Variants in LCA5 observed in about 807,000 individuals in gnomAD.
The protein encoded by LCA5 is lebercilin.
In LCA5, 37 loss-of-function variants were observed where a neutral mutation model predicts 53.0. The ratio of observed to expected loss-of-function variants is 0.70; its 90% CI spans 0.54 to 0.92. The LOEUF (loss-of-function observed/expected upper bound fraction) is 0.92. Ranked by LOEUF, LCA5 falls within the 40% of genes least tolerant of loss-of-function variation. The pLI is 0.00. For missense variants in LCA5, 806 were observed against 790.5 expected, an observed-to-expected ratio of 1.02 and a Z score of -0.23; for synonymous variants, 303 against 282.9, an observed-to-expected ratio of 1.07 and a Z score of -0.71.
rs546754454 is a variant in LCA5, at chr6:79,489,225, C to T, written c.1099-9G>A. 3.8e-5 allele frequency: 61 copies of T among 1,609,524 alleles called. No homozygotes were observed. The Admixed American group carries it at 6.0e-4, about 16-fold the overall frequency. On this transcript the variant is annotated splice_polypyrimidine_tract_variant and intron_variant, in intron 6 of 7. Coordinates refer to ENST00000369846, the MANE Select transcript of LCA5 (RefSeq NM_001122769.3). ...TTTTGAGATTGCAAGTCCTATTATA[C>T]GTTAAAAAAAATGCAAGTTCACAAA... is the stretch of plus-strand genomic sequence containing the variant.
intron 2 of LCA5, among the ~76,000 whole-genome samples, chr6:79,517,895 C>T (rs1766487902): frequency 6.6e-6 from 1 of 152,096 alleles, no homozygotes; most frequent in Non-Finnish European, 1.5e-5. Flanking sequence ...CCCTTTTCCA[C>T]CCACAATTTT....
In LCA5 at chr6:79,487,562, A is replaced by G. The variant is rs778588254; in HGVS notation, c.1536T>C (p.Ser512=). 2 of 1,614,058 alleles carry G rather than the reference A, an allele frequency of 1.2e-6. No homozygotes were observed. The highest frequency in any genetic ancestry group is 1.3e-5 in the African/African-American group (1 of 75,040). Residue 512 remains serine, a synonymous_variant, in exon 8 of 8, where the codon TCT becomes TCC. Transcript: ENST00000369846. ...PERSPKTYRF[S]ESSERLFNGH... ...CATTAAATAATCTCTCTGAGGATTC[A>G]GAGAACCTGTATGTTTTGGGGCTTC...
chr6:79,500,870 T>A (rs1443867581), intron 3 of LCA5, among the ~76,000 whole-genome samples: 2 of 152,168 alleles, frequency 1.3e-5, no homozygotes, highest in Admixed American at 6.5e-5. Flanking sequence ...CTTCCACTGT[T>A]TCTTTTATGT....
intron 3 of LCA5, among the ~76,000 whole-genome samples, chr6:79,506,986 T>C (rs529554835): frequency 6.6e-5 from 10 of 152,292 alleles, no homozygotes; most frequent in South Asian, 6.2e-4. Flanking sequence ...TCTTCCTCCA[T>C]TGCAACTAAC....
intron 3 of LCA5, among the ~76,000 whole-genome samples, chr6:79,502,488 T>C (rs1278673369): frequency 6.6e-6 from 1 of 152,148 alleles, no homozygotes; most frequent in African/African-American, 2.4e-5. Context: ...TCTTCCAACA[T>C]AGATTTTACT....
At chr6:79,488,029 A>G (rs1769722336) in intron 7 of LCA5, 163 bp from the exon 8 acceptor site, 1 of 628,356 alleles carries the variant, frequency 1.6e-6, no homozygotes, top group African/African-American at 1.8e-5. Flanking sequence ...TTCTGGGATT[A>G]GAGAATAATA....
intron 3 of LCA5, among the ~76,000 whole-genome samples, chr6:79,495,034 G>C (rs976445048): frequency 2.6e-4 from 39 of 152,358 alleles, no homozygotes; most frequent in African/African-American, 8.9e-4. Flanking sequence ...GACCTGGTAG[G>C]AACCGGGCTT....
At chr6:79,533,973 G>A (rs575117618) in intron 1 of LCA5, among the ~76,000 whole-genome samples, 2 of 150,994 alleles carry the variant, frequency 1.3e-5, no homozygotes, top group South Asian at 4.2e-4. Flanking sequence ...ATATAAATAA[G>A]GACATTTCTC....
intron 1 of LCA5, among the ~76,000 whole-genome samples, chr6:79,534,305 A>C (rs1199738841): frequency 1.3e-5 from 2 of 151,932 alleles, no homozygotes; most frequent in Non-Finnish European, 2.9e-5. Context: ...TGTAAGACAT[A>C]ATCAGCTTAT....
At chr6:79,528,819 T>C (rs1298794523) in intron 1 of LCA5, among the ~76,000 whole-genome samples, 1 of 152,184 alleles carries the variant, frequency 6.6e-6, no homozygotes, top group African/African-American at 2.4e-5. Context: ...AAAACAGGCT[T>C]GCACTAGACA....
intron 1 of LCA5, among the ~76,000 whole-genome samples, chr6:79,531,571 C>G (rs1766960140): frequency 6.6e-6 from 1 of 152,154 alleles, no homozygotes; most frequent in African/African-American, 2.4e-5. Context: ...TCCACTGAAA[C>G]AGCTTTTGTC....
chr6:79,496,296 A>G (rs1350011892), intron 3 of LCA5, among the ~76,000 whole-genome samples: 2 of 152,234 alleles, frequency 1.3e-5, no homozygotes, highest in African/African-American at 4.8e-5. Flanking sequence ...CATCTACTAT[A>G]TAACACATTC....
intron 3 of LCA5, among the ~76,000 whole-genome samples, chr6:79,495,785 C>T (rs1377771757): frequency 6.6e-6 from 1 of 151,110 alleles, no homozygotes; most frequent in Non-Finnish European, 1.5e-5. Flanking sequence ...TCCTCCGCAT[C>T]CAAAGGTTTC....
At chr6:79,524,018 G>A (rs1301174654) in intron 1 of LCA5, among the ~76,000 whole-genome samples, 2 of 151,998 alleles carry the variant, frequency 1.3e-5, no homozygotes, top group Non-Finnish European at 2.9e-5. Context: ...GGTTATGCAT[G>A]GTTTTTCTCT....
intron 1 of LCA5, among the ~76,000 whole-genome samples, chr6:79,534,349 C>T (rs562928149): frequency 4.6e-4 from 70 of 152,074 alleles, no homozygotes; most frequent in South Asian, 1.0e-3. Context: ...CAAATTAAAA[C>T]ATCTTAAGTA....
chr6:79,486,817 T>G lies in LCA5; in HGVS notation c.*187A>C, dbSNP rs1351627729. 1 of 498,388 alleles carries G rather than the reference T, an allele frequency of 2.0e-6. No homozygotes were observed. The highest frequency in any genetic ancestry group is 3.2e-5 in the East Asian group (1 of 30,950). The allele number at this position is 498,388 out of a possible 1,614,324, so 30.9% of individuals were successfully genotyped here. A position where few individuals can be genotyped will look rare whatever the true frequency, so the allele number is the denominator to read the frequency against. On this transcript the variant is annotated 3_prime_UTR_variant, in exon 8 of 8. Transcript: ENST00000369846. ...TTGGTTTCATTCAAAAAAGCCTCCTTCATTCTTGGCAAACTATCTATGTGG... is the reference window on the plus strand; with the variant it reads ...TTGGTTTCATTCAAAAAAGCCTCCTGCATTCTTGGCAAACTATCTATGTGG...
rs1320897847 is a variant in LCA5, at chr6:79,489,194, T to C, written c.1121A>G (p.Asp374Gly). 5 of 1,612,186 alleles carry C rather than the reference T, an allele frequency of 3.1e-6. No individual in the cohort carries two copies. The highest frequency in any genetic ancestry group is 4.2e-6 in the Non-Finnish European group (5 of 1,179,664). ...TAGAATCCCTGCTTCTCCATGCCTGTCTTGCTTTTGAGATTGCAAGTCCTA... is the reference window on the plus strand; with the variant it reads ...TAGAATCCCTGCTTCTCCATGCCTGCCTTGCTTTTGAGATTGCAAGTCCTA... The part of the protein sequence containing the change: ...LTLDLQSQKQ[D>G]RHGEAGILNP... Residue 374 changes from aspartate to glycine, a missense_variant, in exon 7 of 8, where the codon GAC becomes GGC. Transcript: ENST00000369846.
chr6:79,521,951 ATT>A (rs1288802513), intron 1 of LCA5, among the ~76,000 whole-genome samples: 2 of 152,212 alleles, frequency 1.3e-5, no homozygotes, highest in Non-Finnish European at 2.9e-5. Context: ...GACAAGGCAA[ATT>A]TGTTATCAAT....
At chr6:79,519,398 C>T (rs1233687532) in intron 1 of LCA5, among the ~76,000 whole-genome samples, 1 of 152,056 alleles carries the variant, frequency 6.6e-6, no homozygotes, top group Non-Finnish European at 1.5e-5. Context: ...ATGATCAAAT[C>T]ACCAGTTTTT....
Sources: gnomAD v4.1 joint callset for allele counts (sites outside exome capture counted in the v4.1 genomes callset) on GRCh38, gnomAD v4.1.1 for gene constraint, MANE v1.5 for transcripts, NCBI Gene and HGNC (gene_info 2026-07-23, HGNC 2026-07-21) for gene names.